CHSY3: variants seen among roughly 807,000 people sequenced by gnomAD.
CHSY3 encodes the protein chondroitin sulfate synthase 3, also known as N-acetylgalactosaminyl-proteoglycan 3-beta-glucuronosyltransferase 3.
CHSY3 carries 35 observed loss-of-function variants against 67.2 expected under a neutral mutation model. The observed-to-expected ratio is 0.52, with a 90% CI of 0.40 to 0.69. CHSY3 has a LOEUF of 0.69. Among genes scored for constraint, CHSY3 ranks in the 30% least tolerant of loss-of-function variants. CHSY3 has a pLI of 0.00. For missense variants in CHSY3, 1,069 were observed against 1,138.5 expected, an observed-to-expected ratio of 0.94 and a Z score of 0.88; for synonymous variants, 474 against 434.7, an observed-to-expected ratio of 1.09 and a Z score of -1.12.
At chr5:129,955,532 A>G (rs1414315570) in intron 2 of CHSY3, among the ~76,000 whole-genome samples, 2 of 148,452 alleles carry the variant, frequency 1.3e-5, no homozygotes, top group Non-Finnish European at 1.5e-5. Context: ...ATTTATTATT[A>G]TATATATACA....
intron 2 of CHSY3, chr5:130,002,202 T>G (rs1763746669): frequency 4.1e-6 from 1 of 242,476 alleles, no homozygotes; most frequent in Non-Finnish European, 6.6e-6. Flanking sequence ...GAAGCCTATA[T>G]AGTTAAGGAA....
intron 2 of CHSY3, among the ~76,000 whole-genome samples, chr5:129,999,198 C>G (rs544947208): frequency 3.8e-5 from 5 of 130,220 alleles, no homozygotes; most frequent in Admixed American, 8.3e-5. Context: ...ATCTTTTTTT[C>G]TATACGTTGA....
chr5:129,982,446 A>AT (rs1702742793), intron 2 of CHSY3, among the ~76,000 whole-genome samples: 1 of 151,780 alleles, frequency 6.6e-6, no homozygotes, highest in Non-Finnish European at 1.5e-5. Flanking sequence ...CCTTTTATTC[A>AT]TTTTTTTCCC....
rs559470555 is a variant in CHSY3 at position 129,968,151 on chromosome 5, G to C, written c.1086+59791G>C. ...GATTGTGCCTTGTTAAATATATACT[G>C]TTGGGGAATCTAAATTATTCTTTCA... On this transcript the variant is annotated intron_variant, in intron 2 of 2. Coordinates refer to ENST00000305031, the MANE Select transcript of CHSY3 (RefSeq NM_175856.5). 5.3e-5 allele frequency among the ~76,000 whole-genome samples: 8 copies of C among 151,882 alleles called. No homozygotes were observed. The East Asian group carries it at 1.2e-3, about 22-fold the overall frequency.
At chr5:130,122,931 G>T (rs926618824) in intron 2 of CHSY3, among the ~76,000 whole-genome samples, 1 of 152,124 alleles carries the variant, frequency 6.6e-6, no homozygotes, top group East Asian at 1.9e-4. Context: ...GAGAGATGAT[G>T]TTAATTGACC....
intron 2 of CHSY3, among the ~76,000 whole-genome samples, chr5:130,065,179 G>C (rs1765844020): frequency 6.6e-6 from 1 of 152,006 alleles, no homozygotes; most frequent in Admixed American, 6.6e-5. Flanking sequence ...AATTTTGCCT[G>C]TAAAATATGA....
At chr5:130,141,283 C>A (rs1414670556) in intron 2 of CHSY3, 5 of 436,270 alleles carry the variant, frequency 1.1e-5, no homozygotes, top group African/African-American at 4.2e-5. Context: ...CCCACCATTC[C>A]TATCAAGCAG....
intron 2 of CHSY3, among the ~76,000 whole-genome samples, chr5:130,067,836 C>T (rs1472978395): frequency 6.6e-6 from 1 of 152,112 alleles, no homozygotes; most frequent in Non-Finnish European, 1.5e-5. Flanking sequence ...CTGGGTTCCA[C>T]ACATCTATCA....
At chr5:130,183,590 T>A (rs1339419589) in intron 2 of CHSY3, among the ~76,000 whole-genome samples, 9 of 151,572 alleles carry the variant, frequency 5.9e-5, no homozygotes. Context: ...TGTTATGGGG[T>A]TATGGACACA....
chr5:129,977,022 G>A (rs1448282649), intron 2 of CHSY3, among the ~76,000 whole-genome samples: 1 of 151,886 alleles, frequency 6.6e-6, no homozygotes, highest in African/African-American at 2.4e-5. Context: ...TTGAATGGCT[G>A]CTATGTAAGG....
At chr5:129,942,160 G>C (rs1035649320) in intron 2 of CHSY3, among the ~76,000 whole-genome samples, 3 of 152,090 alleles carry the variant, frequency 2.0e-5, no homozygotes, top group Admixed American at 6.6e-5. Flanking sequence ...CTTGGGATAG[G>C]TGAAAGGAGG....
At chr5:130,073,363 C>T (rs1277771726) in intron 2 of CHSY3, among the ~76,000 whole-genome samples, 1 of 151,732 alleles carries the variant, frequency 6.6e-6, no homozygotes, top group African/African-American at 2.4e-5. Flanking sequence ...TCTTAGCTCA[C>T]TGCAACCTCT....
chr5:130,051,234 T>C (rs1200001356), intron 2 of CHSY3, among the ~76,000 whole-genome samples: 1 of 152,128 alleles, frequency 6.6e-6, no homozygotes, highest in African/African-American at 2.4e-5. Context: ...TGTGCAATTC[T>C]ATATTGCTTG....
At chr5:129,926,156 G>A (rs1761102863) in intron 2 of CHSY3, among the ~76,000 whole-genome samples, 2 of 151,964 alleles carry the variant, frequency 1.3e-5, no homozygotes. Flanking sequence ...CATATAGCAT[G>A]GAACTTGATC....
At chr5:130,102,846 T>A (rs1376503016) in intron 2 of CHSY3, among the ~76,000 whole-genome samples, 1 of 152,140 alleles carries the variant, frequency 6.6e-6, no homozygotes, top group Non-Finnish European at 1.5e-5. Flanking sequence ...ACTTTATTTA[T>A]ACACCTTCTC....
At chr5:129,968,375 T>C (rs181038557) in intron 2 of CHSY3, among the ~76,000 whole-genome samples, 15 of 152,010 alleles carry the variant, frequency 9.9e-5, no homozygotes, top group East Asian at 3.9e-4. Context: ...AATTGTTGCA[T>C]TGAAAAATCT....
At chr5:130,180,493 T>C (rs1271156014) in intron 2 of CHSY3, among the ~76,000 whole-genome samples, 2 of 152,188 alleles carry the variant, frequency 1.3e-5, no homozygotes, top group African/African-American at 4.8e-5. Flanking sequence ...AGTTACCTTG[T>C]GCCTATTAGT....
chr5:130,128,364 C>T (rs1043403929), intron 2 of CHSY3, among the ~76,000 whole-genome samples: 1 of 151,880 alleles, frequency 6.6e-6, no homozygotes, highest in Non-Finnish European at 1.5e-5. Context: ...GAAGTCCTGC[C>T]ATTTGTGCTA....
chr5:129,919,635 A>G (rs934796762), intron 2 of CHSY3, among the ~76,000 whole-genome samples: 1 of 152,164 alleles, frequency 6.6e-6, no homozygotes, highest in Non-Finnish European at 1.5e-5. Flanking sequence ...CCATGAGAAC[A>G]GTATGAGGGA....
Sources: allele counts gnomAD v4.1 joint callset (sites outside exome capture counted in the v4.1 genomes callset), GRCh38; gene constraint gnomAD v4.1.1; transcripts MANE v1.5; gene names NCBI Gene and HGNC (gene_info 2026-07-23, HGNC 2026-07-21).